Variants in SNX29 observed in about 807,000 individuals in gnomAD.
The protein encoded by SNX29 is sorting nexin 29.
In SNX29, 78 loss-of-function variants were observed where a neutral mutation model predicts 102.1. The ratio of observed to expected loss-of-function variants is 0.76; its 90% CI spans 0.64 to 0.92. SNX29 has a LOEUF of 0.92. SNX29 is among the 40% of genes least tolerant of loss of function. The pLI is 0.00. For synonymous variants in SNX29, 580 were observed against 414.5 expected (o/e 1.40, Z -4.85); for missense variants, 1,280 against 1,061.7 (o/e 1.21, Z -2.86).
At chr16:12,449,596 G>A (rs963385494) in intron 18 of SNX29, among the ~76,000 whole-genome samples, 1 of 152,180 alleles carries the variant, frequency 6.6e-6, no homozygotes, top group African/African-American at 2.4e-5. Flanking sequence ...GGGCTCAAAT[G>A]CAGCACCTCC....
At chr16:12,484,501 C>T (rs1212686146) in intron 19 of SNX29, among the ~76,000 whole-genome samples, 1 of 152,200 alleles carries the variant, frequency 6.6e-6, no homozygotes, top group Non-Finnish European at 1.5e-5. Context: ...CTGGTACTTA[C>T]AATGGGGACT....
chr16:12,372,089 A>G (rs921384957), intron 16 of SNX29, among the ~76,000 whole-genome samples: 3 of 152,262 alleles, frequency 2.0e-5, no homozygotes. Flanking sequence ...AGCGTTTGGT[A>G]TATACCCTTC....
At chr16:12,153,725 A>T (rs996636470) in intron 13 of SNX29, among the ~76,000 whole-genome samples, 2 of 151,312 alleles carry the variant, frequency 1.3e-5, no homozygotes, top group Non-Finnish European at 2.9e-5. Context: ...TGATCCATCC[A>T]TCTCAGCCTC....
intron 15 of SNX29, among the ~76,000 whole-genome samples, chr16:12,319,049 T>A (rs962288141): frequency 2.0e-5 from 3 of 152,166 alleles, no homozygotes; most frequent in African/African-American, 7.2e-5. Context: ...TTTCTTCACA[T>A]CCCCAGTAAA....
intron 11 of SNX29, among the ~76,000 whole-genome samples, chr16:12,122,335 C>G (rs1273057313): frequency 1.3e-5 from 2 of 152,106 alleles, no homozygotes; most frequent in Admixed American, 1.3e-4. Flanking sequence ...AGTAGGTACC[C>G]TTGGTCTCAC....
intron 19 of SNX29, among the ~76,000 whole-genome samples, chr16:12,508,542 C>T (rs1286310803): frequency 6.6e-6 from 1 of 152,216 alleles, no homozygotes; most frequent in East Asian, 1.9e-4. Flanking sequence ...AGAGATCTTG[C>T]CTAATGATCT....
chr16:12,042,896 G>T lies in SNX29; in HGVS notation c.248-1G>T. 1 of 1,603,900 alleles carries T rather than the reference G, an allele frequency of 6.2e-7. No homozygotes were observed. ...CAGGCGCCTGTGCCCTCTCTCCGTA[G>T]AGCCCGTGTTCTGGTACTACGTGAA... is the stretch of plus-strand genomic sequence containing the variant. On this transcript the variant is annotated splice_acceptor_variant, in intron 4 of 20. Coordinates refer to ENST00000566228, the MANE Select transcript of SNX29 (RefSeq NM_032167.5). LOFTEE classifies it high-confidence loss of function.
intron 13 of SNX29, among the ~76,000 whole-genome samples, chr16:12,161,853 A>T (rs2141670884): frequency 6.6e-6 from 1 of 152,242 alleles, no homozygotes; most frequent in South Asian, 2.1e-4. Flanking sequence ...CACTAGAAGC[A>T]GGTGCTGGAC....
intron 16 of SNX29, among the ~76,000 whole-genome samples, chr16:12,390,622 G>A (rs1361133572): frequency 1.3e-5 from 2 of 152,156 alleles, no homozygotes; most frequent in Non-Finnish European, 2.9e-5. Flanking sequence ...CTCATTCTGG[G>A]CGAGGGCTGC....
intron 1 of SNX29, 52 bp from the exon 2 acceptor site, chr16:11,999,245 A>G: frequency 6.4e-7 from 1 of 1,566,254 alleles, no homozygotes; most frequent in South Asian, 1.1e-5. Context: ...CTAGTTGGGG[A>G]CAGCCGTGTC....
At chr16:12,542,932 G>C (rs559243227) in intron 20 of SNX29, among the ~76,000 whole-genome samples, 6 of 152,090 alleles carry the variant, frequency 3.9e-5, no homozygotes, top group Non-Finnish European at 7.4e-5. Context: ...AAACTATAGA[G>C]CCCTACTTCA....
chr16:12,087,613 T>G, intron 11 of SNX29: 1 of 344,076 alleles, frequency 2.9e-6, no homozygotes. Flanking sequence ...TTTAAGGTAA[T>G]GATTAGTACT....
chr16:12,324,857 C>T (rs1236295561), intron 15 of SNX29, among the ~76,000 whole-genome samples: 1 of 152,038 alleles, frequency 6.6e-6, no homozygotes, highest in African/African-American at 2.4e-5. Context: ...ACTTCTGAAG[C>T]CCCCAAACTC....
At chr16:12,163,189 G>C (rs1309529901) in intron 13 of SNX29, among the ~76,000 whole-genome samples, 1 of 152,146 alleles carries the variant, frequency 6.6e-6, no homozygotes, top group Non-Finnish European at 1.5e-5. Flanking sequence ...GCCAGTTGTT[G>C]CTTCTGATGG....
chr16:12,254,201 A>G (rs2078502438), intron 14 of SNX29, among the ~76,000 whole-genome samples: 1 of 152,170 alleles, frequency 6.6e-6, no homozygotes, highest in African/African-American at 2.4e-5. Context: ...TTCAGTTAGT[A>G]TGCCGGGGCC....
intron 16 of SNX29, among the ~76,000 whole-genome samples, chr16:12,367,667 A>G (rs914396655): frequency 8.5e-5 from 13 of 152,308 alleles, no homozygotes; most frequent in South Asian, 8.3e-4. Context: ...TAAGAAATCT[A>G]TTTTTCTGCC....
chr16:12,372,081 C>T (rs7185731), intron 16 of SNX29, among the ~76,000 whole-genome samples: 90,693 of 152,160 alleles, frequency 0.6, 30,962 homozygotes, highest in Middle Eastern at 0.79. Flanking sequence ...TGCTGTGAAG[C>T]GTTTGGTATA....
chr16:12,148,795 T>G (rs1018217000), intron 13 of SNX29, among the ~76,000 whole-genome samples: 1 of 152,150 alleles, frequency 6.6e-6, no homozygotes, highest in African/African-American at 2.4e-5. Flanking sequence ...CCTCCCGGGT[T>G]CAAGTGATTC....
At chr16:12,277,319 G>A (rs1381796956) in intron 14 of SNX29, among the ~76,000 whole-genome samples, 2 of 152,112 alleles carry the variant, frequency 1.3e-5, no homozygotes, top group Non-Finnish European at 2.9e-5. Context: ...AGGATCGTTT[G>A]AGCCCAGGAG....
Sources: gnomAD v4.1 joint callset for allele counts (sites outside exome capture counted in the v4.1 genomes callset) on GRCh38, gnomAD v4.1.1 for gene constraint, MANE v1.5 for transcripts, NCBI Gene and HGNC (gene_info 2026-07-23, HGNC 2026-07-21) for gene names.